The following C17orf75 variants were observed in gnomAD, a reference collection of about 807,000 sequenced individuals.
C17orf75 encodes the protein chromosome 17 open reading frame 75.
In C17orf75, 32 loss-of-function variants were observed where a neutral mutation model predicts 49.6. The ratio of observed to expected loss-of-function variants is 0.65; its 90% CI spans 0.49 to 0.87. The LOEUF is 0.87. C17orf75 is among the 40% of genes least tolerant of loss of function. C17orf75 has a pLI of 0.00. For missense variants in C17orf75, 428 were observed against 473.9 expected, an observed-to-expected ratio of 0.90 and a Z score of 0.90; for synonymous variants, 158 against 159.5, an observed-to-expected ratio of 0.99 and a Z score of 0.07.
At chr17:32,346,290 T>C (rs568794841), upstream of C17orf75, among the ~76,000 whole-genome samples, 9 of 152,230 alleles carry the variant, frequency 5.9e-5, no homozygotes, top group East Asian at 9.7e-4. Flanking sequence ...CATGGTGGCA[T>C]GGCCCTGTAG....
At chr17:32,347,691 G>GAGA (rs1446646203) in intron 1 of C17orf75, among the ~76,000 whole-genome samples, 1 of 152,164 alleles carries the variant, frequency 6.6e-6, no homozygotes, top group Non-Finnish European at 1.5e-5. Flanking sequence ...GTTGAGGCAA[G>GAGA]AGAGAGTAGA....
intron 1 of C17orf75, among the ~76,000 whole-genome samples, 152 bp from the exon 2 acceptor site, chr17:32,341,436 C>A (rs1460226687): frequency 6.6e-6 from 1 of 152,180 alleles, no homozygotes; most frequent in Non-Finnish European, 1.5e-5. Context: ...AAAACCCATA[C>A]AGCAGTGCTG....
intron 8 of C17orf75, 64 bp downstream of exon 8, chr17:32,334,405 T>C: frequency 6.5e-7 from 1 of 1,542,878 alleles, no homozygotes; most frequent in South Asian, 1.2e-5. Context: ...TATCATAGGC[T>C]CTCAGTGCAA....
intron 5 of C17orf75, among the ~76,000 whole-genome samples, chr17:32,336,002 A>G (rs963690231): frequency 1.3e-5 from 2 of 152,184 alleles, no homozygotes; most frequent in Non-Finnish European, 2.9e-5. Context: ...TCTAGGCTAT[A>G]CTGCTCCCTG....
intron 8 of C17orf75, among the ~76,000 whole-genome samples, 186 bp from the exon 9 acceptor site, chr17:32,333,706 T>A (rs2041298688): frequency 6.6e-6 from 1 of 152,120 alleles, no homozygotes; most frequent in Admixed American, 6.5e-5. Context: ...TGACCTCAGA[T>A]GATCCACCTG....
intron 8 of C17orf75, among the ~76,000 whole-genome samples, chr17:32,333,834 C>A (rs1567802064): frequency 1.3e-5 from 2 of 152,146 alleles, no homozygotes; most frequent in Admixed American, 1.3e-4. Context: ...CCTAAAAAAA[C>A]AGTGTGCTCA....
chr17:32,339,666 T>C, intron 3 of C17orf75, 147 bp downstream of exon 3: 1 of 977,978 alleles, frequency 1.0e-6, no homozygotes, highest in Non-Finnish European at 1.5e-6. Context: ...TCCACAAATG[T>C]TTATGTGTGA....
At chr17:32,342,968 G>C (rs908429564), upstream of C17orf75, among the ~76,000 whole-genome samples, 1 of 152,168 alleles carries the variant, frequency 6.6e-6, no homozygotes, top group Non-Finnish European at 1.5e-5. Context: ...CAAAGACTGG[G>C]CAATTTATAA....
Position 32,331,594 on chromosome 17 carries a change from G to T in C17orf75, c.*169C>A, listed in dbSNP as rs2041273456. 1 of 625,260 alleles carries T rather than the reference G, an allele frequency of 1.6e-6. No homozygotes were observed. Among genetic ancestry groups the T allele is most frequent in the Admixed American group, 2.9e-5 (1 of 33,960 alleles). The allele number at this position is 625,260 out of a possible 1,614,324, so 38.7% of individuals were successfully genotyped here. A position where few individuals can be genotyped will look rare whatever the true frequency, so the allele number is the denominator to read the frequency against. ...CATTATCTATCTAGGACTCAGTGAA[G>T]ATGTTCTTCAGATTTTTATTTAAGT... On this transcript the variant is annotated 3_prime_UTR_variant, in exon 10 of 10. Coordinates refer to ENST00000577809, the MANE Select transcript of C17orf75 (RefSeq NM_022344.4).
chr17:32,336,489 C>T (rs988619718), intron 5 of C17orf75, among the ~76,000 whole-genome samples: 1 of 152,190 alleles, frequency 6.6e-6, no homozygotes, highest in Non-Finnish European at 1.5e-5. Context: ...GCTGAGATTA[C>T]AGGTGTGAGC....
At position 32,342,157 on chromosome 17, in the gene C17orf75, G is replaced by T; in HGVS notation, c.-18C>A. The T allele has an allele frequency of 6.3e-7, 1 of 1,576,680 alleles. No individual in the cohort carries two copies. On this transcript the variant is annotated 5_prime_UTR_variant, in exon 1 of 10. Coordinates refer to ENST00000577809, the MANE Select transcript of C17orf75 (RefSeq NM_022344.4). The stretch of plus-strand genomic sequence containing the variant: ...GGGAGCATTGCGGCGGCCTCTGAGC[G>T]GCCCTGTGTCTCCGCCAAACCGCTC...
chr17:32,334,397 T>C, intron 8 of C17orf75, 72 bp downstream of exon 8: 1 of 1,517,340 alleles, frequency 6.6e-7, no homozygotes, highest in South Asian at 1.3e-5. Flanking sequence ...TAAGGTTGTA[T>C]CATAGGCTCT....
At chr17:32,348,512 G>T (rs2150782457) in intron 1 of C17orf75, among the ~76,000 whole-genome samples, 1 of 152,274 alleles carries the variant, frequency 6.6e-6, no homozygotes, top group East Asian at 1.9e-4. Context: ...CACGGTAGGT[G>T]CTCCATGGAT....
Position 32,338,290 on chromosome 17 carries a change from C to T in C17orf75, c.409G>A (p.Glu137Lys). The part of the protein sequence containing the change: ...CLFQNEKLLP[E>K]TVTIDSERNP... ...CGTTCAGAGTCTATCGTTACTGTTT[C>T]AGGAAGCAGTTTTTCATTTTGGAAA... is the stretch of plus-strand genomic sequence containing the variant. Residue 137 changes from glutamate (E) to lysine (K), a missense_variant, in exon 4 of 10, where the codon GAA (glutamate) becomes AAA (lysine). Glu to Lys is a moderately conservative substitution (Grantham distance 56). Coordinates refer to ENST00000577809, the MANE Select transcript of C17orf75 (RefSeq NM_022344.4). 1 of 1,612,382 alleles carries T rather than the reference C, an allele frequency of 6.2e-7. No individual in the cohort carries two copies. The highest frequency in any genetic ancestry group is 1.1e-5 in the South Asian group (1 of 90,448).
intron 1 of C17orf75, chr17:32,341,668 A>G: frequency 2.4e-6 from 1 of 412,512 alleles, no homozygotes; most frequent in Non-Finnish European, 3.6e-6. Context: ...TAATGACAGA[A>G]AGGAGAGGGG....
intron 5 of C17orf75, among the ~76,000 whole-genome samples, chr17:32,336,507 C>T (rs555379757): frequency 6.6e-6 from 1 of 152,180 alleles, no homozygotes; most frequent in Non-Finnish European, 1.5e-5. Context: ...AGCCACCACA[C>T]CCAGCCAGTT....
At chr17:32,344,374 T>G (rs1293912103), upstream of C17orf75, among the ~76,000 whole-genome samples, 6 of 152,002 alleles carry the variant, frequency 3.9e-5, no homozygotes, top group African/African-American at 1.4e-4. Flanking sequence ...TCCCAGCACT[T>G]TGGGAGGCCG....
At chr17:32,341,730 G>T in intron 1 of C17orf75, 1 of 926,056 alleles carries the variant, frequency 1.1e-6, no homozygotes, top group Non-Finnish European at 1.3e-6. Context: ...ACAAAGGGCA[G>T]CCGCGAGAGT....
chr17:32,337,780 G>T, intron 5 of C17orf75, 117 bp downstream of exon 5: 3 of 780,654 alleles, frequency 3.8e-6, no homozygotes, highest in Non-Finnish European at 6.1e-6. Flanking sequence ...TGACCAGGCT[G>T]GTCTCTGACC....
Sources: allele counts gnomAD v4.1 joint callset (sites outside exome capture counted in the v4.1 genomes callset), GRCh38; gene constraint gnomAD v4.1.1; transcripts MANE v1.5; gene names NCBI Gene and HGNC (gene_info 2026-07-23, HGNC 2026-07-21).